The following FBN1 variants were observed in gnomAD, a reference collection of about 807,000 sequenced individuals.
FBN1 encodes the protein fibrillin 1.
A neutral mutation model predicts 365.1 loss-of-function variants in FBN1; 29 were observed. That is an observed-to-expected ratio of 0.08 (90% CI 0.06 to 0.11). The LOEUF is 0.11. Among genes scored for constraint, FBN1 ranks in the 10% least tolerant of loss-of-function variants. The pLI is 1.00. For synonymous variants in FBN1, 1,210 were observed against 1,270.5 expected (o/e 0.95, Z 1.01); for missense variants, 2,476 against 3,703.2 (o/e 0.67, Z 8.60).
At chr15:48,539,625 T>C (rs1326928328) in intron 6 of FBN1, among the ~76,000 whole-genome samples, 3 of 152,154 alleles carry the variant, frequency 2.0e-5, no homozygotes, top group African/African-American at 7.2e-5. Flanking sequence ...TAAATACTAG[T>C]ACAGGTGATA....
At chr15:48,416,548 G>C (rs1378966818) in intron 63 of FBN1, 1 of 152,564 alleles carries the variant, frequency 6.6e-6, no homozygotes, top group African/African-American at 2.4e-5. Context: ...AGCAGTAATT[G>C]GGGAAAACCC....
intron 6 of FBN1, among the ~76,000 whole-genome samples, chr15:48,547,478 G>GC (rs2044102875): frequency 6.6e-6 from 1 of 152,124 alleles, no homozygotes; most frequent in South Asian, 2.1e-4. Flanking sequence ...TTCCATGATA[G>GC]CATCAATTCT....
intron 2 of FBN1, among the ~76,000 whole-genome samples, chr15:48,615,587 A>T (rs1889636397): frequency 6.6e-6 from 1 of 152,224 alleles, no homozygotes; most frequent in African/African-American, 2.4e-5. Flanking sequence ...CCTTCACAAG[A>T]GTAAAAGTAA....
At chr15:48,505,638 A>G (rs1289976023) in intron 15 of FBN1, among the ~76,000 whole-genome samples, 1 of 152,172 alleles carries the variant, frequency 6.6e-6, no homozygotes, top group African/African-American at 2.4e-5. Flanking sequence ...AGGATATACA[A>G]CTAAAGCCTT....
intron 49 of FBN1, 47 bp downstream of exon 49, chr15:48,444,494 G>C (rs914526021): frequency 1.9e-6 from 3 of 1,610,314 alleles, no homozygotes; most frequent in Admixed American, 1.7e-5. Flanking sequence ...GCTAAGTCCA[G>C]TGGACACCCG....
chr15:48,604,970 C>T (rs984233353), intron 4 of FBN1, among the ~76,000 whole-genome samples: 4 of 152,170 alleles, frequency 2.6e-5, no homozygotes, highest in East Asian at 1.9e-4. Flanking sequence ...TTCCTAAAAC[C>T]GGTGTCCGAG....
Position 48,452,706 on chromosome 15 carries a change from AT to A in FBN1, c.5423-23del, listed in dbSNP as rs371604574. The A allele has an allele frequency of 8.7e-6, 14 of 1,613,700 alleles. No individual in the cohort carries two copies. The African/African-American group carries it at 1.7e-4, about 20-fold the overall frequency. ...ATATCTACGAGCAGAAGAGAACTGAATTTGAAGGAGAACAGAATCTGGTGTC... is the reference window on the plus strand; with the variant it reads ...ATATCTACGAGCAGAAGAGAACTGAATTGAAGGAGAACAGAATCTGGTGTC... On this transcript the variant is annotated intron_variant, in intron 44 of 65. Transcript: ENST00000316623.
intron 9 of FBN1, among the ~76,000 whole-genome samples, chr15:48,525,090 A>G (rs1420707187): frequency 7.0e-6 from 1 of 143,816 alleles, no homozygotes; most frequent in African/African-American, 2.5e-5. Flanking sequence ...TGTCAAATCT[A>G]TTTTTTTTTT....
chr15:48,630,659 TA>T (rs1889967437), intron 2 of FBN1, among the ~76,000 whole-genome samples: 1 of 141,150 alleles, frequency 7.1e-6, no homozygotes, highest in African/African-American at 2.6e-5. Context: ...GCACAGAAAA[TA>T]CCCGGTATTT....
chr15:48,627,173 A>AT (rs1566941289), intron 2 of FBN1, among the ~76,000 whole-genome samples: 1 of 152,200 alleles, frequency 6.6e-6, no homozygotes, highest in Non-Finnish European at 1.5e-5. Flanking sequence ...TTTGTACATC[A>AT]TTTTTTGTGC....
At chr15:48,634,210 A>G (rs1222115742) in intron 2 of FBN1, among the ~76,000 whole-genome samples, 8 of 152,232 alleles carry the variant, frequency 5.3e-5, no homozygotes, top group African/African-American at 9.7e-5. Context: ...ATTAGTTACA[A>G]GAAGCAGGAT....
intron 3 of FBN1, 96 bp from the exon 4 acceptor site, chr15:48,610,922 C>G: frequency 1.0e-6 from 1 of 973,812 alleles, no homozygotes; most frequent in Non-Finnish European, 1.6e-6. Context: ...GTTCTCAGGT[C>G]CCTCACAAAC....
chr15:48,487,414 G>T lies in FBN1; in HGVS notation c.3361C>A (p.Pro1121Thr). The T allele has an allele frequency of 6.2e-7, 1 of 1,614,090 alleles. No homozygotes were observed. ...CMDIDECQRD[P>T]LLCRGGVCHN... ...CAAACACCACCTCGGCATAGGAGAG[G>T]ATCTCTCTGACACTCATCAATATCT... The change falls in exon 28 of 66, where the codon CCT (proline) becomes ACT (threonine). Residue 1121 changes from proline (P) to threonine (T), a missense_variant. This residue lies in a region of FBN1 where 1,780 missense variants were observed against 2,840.8 expected (regional missense o/e 0.63). Coordinates refer to ENST00000316623, the MANE Select transcript of FBN1 (RefSeq NM_000138.5).
intron 6 of FBN1, among the ~76,000 whole-genome samples, chr15:48,593,476 A>T (rs2044494729): frequency 6.6e-6 from 1 of 152,226 alleles, no homozygotes; most frequent in Non-Finnish European, 1.5e-5. Flanking sequence ...TGGACCTGAA[A>T]GATCATTCTT....
intron 50 of FBN1, among the ~76,000 whole-genome samples, chr15:48,440,915 C>A (rs201852841): frequency 1.4e-4 from 16 of 113,174 alleles, no homozygotes; most frequent in East Asian, 3.0e-4. Context: ...AAAAAAAAAA[C>A]CCAACTCAAC....
intron 5 of FBN1, among the ~76,000 whole-genome samples, chr15:48,599,523 C>T (rs1332849832): frequency 6.7e-6 from 1 of 149,268 alleles, no homozygotes; most frequent in African/African-American, 2.5e-5. Context: ...GGTATATATG[C>T]TCATCTTAAA....
chr15:48,549,041 G>C (rs2044120416), intron 6 of FBN1, among the ~76,000 whole-genome samples: 1 of 151,542 alleles, frequency 6.6e-6, no homozygotes, highest in Non-Finnish European at 1.5e-5. Context: ...CAAAGCAAGT[G>C]TTCTTAGGAA....
At chr15:48,448,448 C>A (rs2043175349) in intron 46 of FBN1, among the ~76,000 whole-genome samples, 1 of 152,096 alleles carries the variant, frequency 6.6e-6, no homozygotes, top group Non-Finnish European at 1.5e-5. Flanking sequence ...CACTCAAAAA[C>A]TCAAAAGAAA....
chr15:48,522,501 G>A (rs1227102684), intron 9 of FBN1, among the ~76,000 whole-genome samples: 2 of 152,046 alleles, frequency 1.3e-5, no homozygotes, highest in Non-Finnish European at 2.9e-5. Context: ...GAATATAAGG[G>A]TTAAATCCTT....
Sources: gnomAD v4.1 joint callset for allele counts (sites outside exome capture counted in the v4.1 genomes callset) on GRCh38, gnomAD v4.1.1 for gene constraint, gnomAD v4.1.1 regional missense constraint, MANE v1.5 for transcripts, NCBI Gene and HGNC (gene_info 2026-07-23, HGNC 2026-07-21) for gene names.